Variants in CNIH3 observed in about 807,000 individuals in gnomAD.
CNIH3 encodes the protein protein cornichon homolog 3.
Under a neutral mutation model 24.1 loss-of-function variants are expected in CNIH3, and 14 were observed. The ratio of observed to expected loss-of-function variants is 0.58; its 90% CI spans 0.38 to 0.91. The LOEUF is 0.91. Among genes scored for constraint, CNIH3 ranks in the 40% least tolerant of loss-of-function variants. The pLI, the probability that CNIH3 is intolerant of heterozygous loss-of-function variation, is 0.00. For missense variants in CNIH3, 178 were observed against 196.8 expected (o/e 0.90, Z 0.57); for synonymous variants, 68 against 73.8 (o/e 0.92, Z 0.40).
chr1:224,519,755 AT>A (rs537927877), intron 1 of CNIH3, among the ~76,000 whole-genome samples: 34 of 151,290 alleles, frequency 2.2e-4, no homozygotes, highest in Non-Finnish European at 1.5e-5. Context: ...TATATATATT[AT>A]TTAATATGTA....
chr1:224,599,405 C>T (rs1322618174), intron 3 of CNIH3, among the ~76,000 whole-genome samples: 1 of 152,124 alleles, frequency 6.6e-6, no homozygotes, highest in Non-Finnish European at 1.5e-5. Context: ...TTTTTGATTA[C>T]CTTCAATCCA....
chr1:224,530,980 A>C (rs2124930634), intron 2 of CNIH3, among the ~76,000 whole-genome samples: 1 of 152,292 alleles, frequency 6.6e-6, no homozygotes, highest in East Asian at 1.9e-4. Flanking sequence ...CTAGGATAAA[A>C]TAAAGCTTTT....
intron 4 of CNIH3, among the ~76,000 whole-genome samples, chr1:224,568,127 TA>T (rs1680660135): frequency 6.6e-6 from 1 of 152,032 alleles, no homozygotes; most frequent in South Asian, 2.1e-4. Flanking sequence ...CCGTCTTTAC[TA>T]AAAATACAAA....
intron 4 of CNIH3, among the ~76,000 whole-genome samples, chr1:224,578,017 G>A (rs1338510619): frequency 6.6e-6 from 1 of 152,010 alleles, no homozygotes; most frequent in Non-Finnish European, 1.5e-5. Flanking sequence ...GAGCTTGCAG[G>A]GAAGGGTGGG....
chr1:224,694,918 G>A (rs1283919615), intron 3 of CNIH3, among the ~76,000 whole-genome samples: 1 of 151,978 alleles, frequency 6.6e-6, no homozygotes, highest in Non-Finnish European at 1.5e-5. Context: ...ATGATATAAC[G>A]GGCTTTGGGG....
chr1:224,594,253 C>T (rs1681883105), intron 3 of CNIH3, among the ~76,000 whole-genome samples: 1 of 152,212 alleles, frequency 6.6e-6, no homozygotes, highest in Non-Finnish European at 1.5e-5. Flanking sequence ...GGACACTGCA[C>T]ACTGACCCAG....
intron 1 of CNIH3, among the ~76,000 whole-genome samples, chr1:224,452,296 C>T (rs572237842): frequency 9.2e-5 from 14 of 151,708 alleles, no homozygotes; most frequent in South Asian, 2.1e-4. Context: ...ATTATAGGCG[C>T]GTACCACCAT....
At chr1:224,700,784 C>T (rs1227687610) in intron 3 of CNIH3, among the ~76,000 whole-genome samples, 2 of 152,152 alleles carry the variant, frequency 1.3e-5, no homozygotes, top group African/African-American at 4.8e-5. Flanking sequence ...TCCCCTGGAC[C>T]TAGATGGTTG....
intron 3 of CNIH3, among the ~76,000 whole-genome samples, chr1:224,699,800 C>T (rs1295668706): frequency 1.3e-5 from 2 of 152,174 alleles, no homozygotes; most frequent in Non-Finnish European, 2.9e-5. Context: ...CCCTACCTGT[C>T]CCACTTGTCA....
chr1:224,674,779 G>T (rs1328957921), intron 1 of CNIH3, among the ~76,000 whole-genome samples: 1 of 151,930 alleles, frequency 6.6e-6, no homozygotes, highest in Non-Finnish European at 1.5e-5. Flanking sequence ...CTTCTCGGTG[G>T]CTTCCTCTGG....
chr1:224,686,054 C>T (rs541570877), intron 3 of CNIH3, among the ~76,000 whole-genome samples: 12 of 151,792 alleles, frequency 7.9e-5, no homozygotes, highest in South Asian at 2.1e-4. Context: ...ATGTACACAA[C>T]GTGCAGGTTT....
At chr1:224,644,290 A>G (rs1684495264) in intron 1 of CNIH3, among the ~76,000 whole-genome samples, 1 of 152,178 alleles carries the variant, frequency 6.6e-6, no homozygotes, top group Non-Finnish European at 1.5e-5. Flanking sequence ...GGCTCACTGC[A>G]GCCTTGACCT....
At chr1:224,478,984 A>G (rs1173300438) in intron 1 of CNIH3, among the ~76,000 whole-genome samples, 1 of 151,992 alleles carries the variant, frequency 6.6e-6, no homozygotes, top group African/African-American at 2.4e-5. Flanking sequence ...CGCATGATTC[A>G]ATTACCTCCC....
intron 1 of CNIH3, among the ~76,000 whole-genome samples, chr1:224,671,082 C>T (rs544805709): frequency 1.9e-4 from 29 of 152,358 alleles, no homozygotes; most frequent in African/African-American, 7.0e-4. Flanking sequence ...GCACTGGCTC[C>T]TTCCTAGGTT....
At chr1:224,535,509 G>A (rs887037429) in intron 2 of CNIH3, among the ~76,000 whole-genome samples, 4 of 151,476 alleles carry the variant, frequency 2.6e-5, no homozygotes, top group African/African-American at 7.4e-5. Context: ...CGTGTCTGAA[G>A]TTTCATTTTC....
In CNIH3 at chr1:224,635,977, G is replaced by C. The variant is rs546499402; in HGVS notation, c.81+18722G>C. On this transcript the variant is annotated intron_variant, in intron 1 of 5. Transcript: ENST00000272133. Reference sequence around the variant, plus strand: ...GATCCTCCTGCCTTGGCCTCCCAAAGCACTGGGATTACTGCGTGAACCCTC... The same window carrying C: ...GATCCTCCTGCCTTGGCCTCCCAAACCACTGGGATTACTGCGTGAACCCTC... Among the ~76,000 whole-genome samples, 4 of 152,296 alleles carry C rather than the reference G, an allele frequency of 2.6e-5. No homozygotes were observed. The South Asian group carries it at 8.3e-4, about 32-fold the overall frequency.
chr1:224,721,835 G>C (rs1389708219), intron 3 of CNIH3, among the ~76,000 whole-genome samples: 1 of 152,168 alleles, frequency 6.6e-6, no homozygotes, highest in Non-Finnish European at 1.5e-5. Flanking sequence ...ACTGGAGGGG[G>C]GATTCTGGAG....
chr1:224,705,850 C>CTTTTTTTTTTTTTTTTTTTTTTTTT (rs61128987), intron 3 of CNIH3, among the ~76,000 whole-genome samples: 2 of 90,208 alleles, frequency 2.2e-5, no homozygotes, highest in East Asian at 3.7e-4. Context: ...TCTTTCTTTT[C>CTTTTTTTTTTTTTTTTTTTTTTTTT]TTTTTTTTCT....
At chr1:224,633,018 C>G (rs1683902365) in intron 1 of CNIH3, among the ~76,000 whole-genome samples, 1 of 152,078 alleles carries the variant, frequency 6.6e-6, no homozygotes, top group Non-Finnish European at 1.5e-5. Flanking sequence ...TAAGATCCTA[C>G]CAGTCCCCAA....
Sources: gnomAD v4.1 joint callset for allele counts (sites outside exome capture counted in the v4.1 genomes callset) on GRCh38, gnomAD v4.1.1 for gene constraint, MANE v1.5 for transcripts, NCBI Gene and HGNC (gene_info 2026-07-23, HGNC 2026-07-21) for gene names.